Variants in AMPH observed in about 807,000 individuals in gnomAD.
The protein encoded by AMPH is amphiphysin (Stiff-Mann syndrome with breast cancer 128kD autoantigen).
Under a neutral mutation model 99.1 loss-of-function variants are expected in AMPH, and 49 were observed. That is an observed-to-expected ratio of 0.49 (90% CI 0.39 to 0.63). AMPH has a LOEUF of 0.63. Among genes scored for constraint, AMPH ranks in the 20% least tolerant of loss-of-function variants. The pLI, the probability that AMPH is intolerant of heterozygous loss-of-function variation, is 0.00. For synonymous variants in AMPH, 314 were observed against 317.3 expected, an observed-to-expected ratio of 0.99 and a Z score of 0.11; for missense variants, 759 against 863.4, an observed-to-expected ratio of 0.88 and a Z score of 1.52.
intron 11 of AMPH, among the ~76,000 whole-genome samples, chr7:38,453,683 G>C (rs903016735): frequency 2.0e-5 from 3 of 152,280 alleles, no homozygotes; most frequent in African/African-American, 7.2e-5. Context: ...TTCACAATGA[G>C]TCTGCATGTC....
At chr7:38,535,826 C>T (rs1238917417) in intron 1 of AMPH, among the ~76,000 whole-genome samples, 4 of 152,230 alleles carry the variant, frequency 2.6e-5, no homozygotes, top group African/African-American at 7.2e-5. Context: ...AGGCGGAGCT[C>T]GGGTGGTAAT....
At chr7:38,620,878 T>C (rs1171992894) in intron 1 of AMPH, among the ~76,000 whole-genome samples, 4 of 152,154 alleles carry the variant, frequency 2.6e-5, no homozygotes, top group Admixed American at 2.6e-4. Flanking sequence ...GGGGCAACTA[T>C]GCCCCAGAAG....
At chr7:38,476,775 AT>A in intron 6 of AMPH, 86 bp downstream of exon 6, 1 of 884,172 alleles carries the variant, frequency 1.1e-6, no homozygotes, top group Non-Finnish European at 1.8e-6. Flanking sequence ...ATCTCCTTTT[AT>A]AGAGGAGGCA....
At chr7:38,620,459 CT>C (rs748442282) in intron 1 of AMPH, among the ~76,000 whole-genome samples, 40 of 149,750 alleles carry the variant, frequency 2.7e-4, no homozygotes, top group Admixed American at 1.1e-3. Flanking sequence ...TTACACTGTT[CT>C]TCAACACCCT....
chr7:38,453,610 C>T (rs1787118462), intron 11 of AMPH, among the ~76,000 whole-genome samples: 1 of 152,192 alleles, frequency 6.6e-6, no homozygotes, highest in Non-Finnish European at 1.5e-5. Flanking sequence ...TATGAGCCAG[C>T]AAATTACAAA....
At chr7:38,458,767 G>A (rs1417585886) in intron 11 of AMPH, among the ~76,000 whole-genome samples, 1 of 152,262 alleles carries the variant, frequency 6.6e-6, no homozygotes, top group East Asian at 1.9e-4. Context: ...GTGAATGGGA[G>A]AAAAGCTGAA....
intron 2 of AMPH, among the ~76,000 whole-genome samples, chr7:38,506,622 A>G (rs1404109058): frequency 1.3e-5 from 2 of 152,228 alleles, no homozygotes; most frequent in Non-Finnish European, 2.9e-5. Flanking sequence ...ACATTTCTCA[A>G]ACTAGATAAT....
In AMPH at chr7:38,475,375, C is replaced by G; in HGVS notation, c.546G>C (p.Glu182Asp). The change falls in exon 7 of 21, where the codon GAG becomes GAC. Residue 182 changes from glutamate to aspartate, a missense_variant. Glu to Asp is a conservative substitution (Grantham distance 45, BLOSUM62 2). This residue lies in a region of AMPH where 205 missense variants were observed against 287.9 expected (regional missense o/e 0.71). Coordinates refer to ENST00000356264, the MANE Select transcript of AMPH (RefSeq NM_001635.4). ...EFQKAQKVFE[E>D]FNVDLQEELP... ...ACTCTTCTTGTAAGTCAACGTTAAA[C>G]TCTTCAAACACTTTCTGTGCTTTCT... is the stretch of plus-strand genomic sequence containing the variant. The G allele has an allele frequency of 6.2e-7, 1 of 1,613,350 alleles. No individual in the cohort carries two copies. Among genetic ancestry groups the G allele is most frequent in the South Asian group, 1.1e-5 (1 of 91,032 alleles).
chr7:38,458,630 T>A (rs6978850), intron 11 of AMPH, among the ~76,000 whole-genome samples: 24,268 of 152,066 alleles, frequency 0.16, 2,137 homozygotes, highest in East Asian at 0.28. Context: ...CTCAATAGAT[T>A]GAGAAAAAGC....
chr7:38,541,741 C>T (rs1790815448), intron 1 of AMPH, among the ~76,000 whole-genome samples: 1 of 152,152 alleles, frequency 6.6e-6, no homozygotes, highest in Non-Finnish European at 1.5e-5. Context: ...GAATGACATA[C>T]AGTAATTACA....
intron 1 of AMPH, among the ~76,000 whole-genome samples, chr7:38,629,275 G>A (rs552340134): frequency 2.0e-4 from 31 of 152,232 alleles, no homozygotes; most frequent in African/African-American, 7.5e-4. Flanking sequence ...GACTCAGAAA[G>A]GGGGGCAGAA....
chr7:38,408,970 T>A (rs1029653548), intron 17 of AMPH, among the ~76,000 whole-genome samples: 1 of 152,192 alleles, frequency 6.6e-6, no homozygotes, highest in Non-Finnish European at 1.5e-5. Context: ...ATAGCTATGT[T>A]CACAAGTTAG....
chr7:38,480,901 A>G (rs1020147797), intron 5 of AMPH, among the ~76,000 whole-genome samples: 6 of 152,210 alleles, frequency 3.9e-5, no homozygotes, highest in Non-Finnish European at 7.3e-5. Flanking sequence ...TCCAAGTAGC[A>G]AATCTTGATT....
At chr7:38,552,996 C>T (rs1791233158) in intron 1 of AMPH, among the ~76,000 whole-genome samples, 1 of 152,198 alleles carries the variant, frequency 6.6e-6, no homozygotes, top group South Asian at 2.1e-4. Flanking sequence ...TACCCAGGTT[C>T]CCTTGATCTT....
intron 4 of AMPH, among the ~76,000 whole-genome samples, chr7:38,492,663 A>T (rs1013931954): frequency 1.3e-5 from 2 of 152,200 alleles, no homozygotes; most frequent in African/African-American, 4.8e-5. Context: ...TTTCTTCATC[A>T]TCACAAGAGC....
chr7:38,406,618 A>G (rs1311927708), intron 17 of AMPH, among the ~76,000 whole-genome samples: 7 of 151,850 alleles, frequency 4.6e-5, no homozygotes, highest in Non-Finnish European at 7.4e-5. Context: ...CCCCTCCTCA[A>G]TGTGAATGGG....
chr7:38,482,656 A>T (rs1236208903), intron 5 of AMPH, among the ~76,000 whole-genome samples: 1 of 152,136 alleles, frequency 6.6e-6, no homozygotes, highest in Non-Finnish European at 1.5e-5. Flanking sequence ...TGAAACTCAA[A>T]AAACTTTCAG....
chr7:38,601,039 G>A (rs562330375), intron 1 of AMPH, among the ~76,000 whole-genome samples: 46 of 152,108 alleles, frequency 3.0e-4, no homozygotes, highest in Non-Finnish European at 5.6e-4. Flanking sequence ...CAGAGACGCC[G>A]AACTCTCCTG....
chr7:38,456,655 CGTGG>C (rs1787245349), intron 11 of AMPH, among the ~76,000 whole-genome samples: 1 of 152,134 alleles, frequency 6.6e-6, no homozygotes, highest in Non-Finnish European at 1.5e-5. Flanking sequence ...CTTGGGTTCC[CGTGG>C]GTTACTCCAC....
Sources: gnomAD v4.1 joint callset for allele counts (sites outside exome capture counted in the v4.1 genomes callset) on GRCh38, gnomAD v4.1.1 for gene constraint, gnomAD v4.1.1 regional missense constraint, MANE v1.5 for transcripts, NCBI Gene and HGNC (gene_info 2026-07-23, HGNC 2026-07-21) for gene names.